The following R3HDM1 variants were observed in gnomAD, a reference collection of about 807,000 sequenced individuals.
The protein encoded by R3HDM1 is R3H domain-containing protein 1.
In R3HDM1, 46 loss-of-function variants were observed where a neutral mutation model predicts 141.1. The ratio of observed to expected loss-of-function variants is 0.33; its 90% confidence interval spans 0.26 to 0.42. The LOEUF is 0.42. R3HDM1 is among the 10% of genes least tolerant of loss of function. The probability of loss-of-function intolerance (pLI) is 1.00; values close to 1 mark genes in which losing one functional copy is unlikely to be tolerated. For missense variants in R3HDM1, 1,184 were observed against 1,368.3 expected (o/e 0.87, Z 2.12); for synonymous variants, 435 against 472.9 (o/e 0.92, Z 1.04).
At chr2:135,662,600 T>C (rs1168976262) in intron 19 of R3HDM1, among the ~76,000 whole-genome samples, 1 of 152,216 alleles carries the variant, frequency 6.6e-6, no homozygotes, top group African/African-American at 2.4e-5. Flanking sequence ...ATACAAACAT[T>C]GGTCATTTTA....
chr2:135,589,492 T>G (rs2105056980), intron 1 of R3HDM1, among the ~76,000 whole-genome samples: 1 of 152,266 alleles, frequency 6.6e-6, no homozygotes, highest in Middle Eastern at 3.4e-3. Flanking sequence ...TTGCCATACT[T>G]GCACAGCTGA....
At chr2:135,535,183 A>G (rs909845094) in intron 1 of R3HDM1, among the ~76,000 whole-genome samples, 2 of 152,182 alleles carry the variant, frequency 1.3e-5, no homozygotes, top group African/African-American at 4.8e-5. Flanking sequence ...AGGGATAATA[A>G]TTTATTTCTT....
At chr2:135,562,559 G>T (rs1448973663) in intron 1 of R3HDM1, among the ~76,000 whole-genome samples, 1 of 152,046 alleles carries the variant, frequency 6.6e-6, no homozygotes, top group Non-Finnish European at 1.5e-5. Flanking sequence ...TACACCATTT[G>T]TTGCAAATTG....
intron 21 of R3HDM1, 57 bp from the exon 22 acceptor site, chr2:135,709,376 C>T (rs1328507750): frequency 1.2e-6 from 2 of 1,604,832 alleles, no homozygotes; most frequent in Non-Finnish European, 1.7e-6. Context: ...CCAGCCCATT[C>T]AAGAATGTTT....
chr2:135,667,142 T>G, intron 19 of R3HDM1: 3 of 954,516 alleles, frequency 3.1e-6, no homozygotes, highest in African/African-American at 1.8e-5. Flanking sequence ...TAAAATAAAA[T>G]CAGCCTGTTA....
At chr2:135,650,504 T>G in intron 17 of R3HDM1, 1 of 981,868 alleles carries the variant, frequency 1.0e-6, no homozygotes, top group East Asian at 1.1e-4. Context: ...CTTTCTTCTA[T>G]CCAAAGTATG....
At chr2:135,625,145 C>A (rs1296326796) in intron 7 of R3HDM1, among the ~76,000 whole-genome samples, 1 of 152,146 alleles carries the variant, frequency 6.6e-6, no homozygotes, top group East Asian at 1.9e-4. Context: ...GGAACAGTTA[C>A]ACTGAAAATA....
chr2:135,532,536 A>C (rs1438374361), intron 1 of R3HDM1, among the ~76,000 whole-genome samples: 1 of 151,722 alleles, frequency 6.6e-6, no homozygotes, highest in Non-Finnish European at 1.5e-5. Context: ...GTGAACAGCA[A>C]ATGGTTTTTC....
At chr2:135,722,611 A>ACAC in intron 26 of R3HDM1, 58 bp downstream of exon 26, 1 of 1,473,508 alleles carries the variant, frequency 6.8e-7, no homozygotes, top group Non-Finnish European at 9.3e-7. Context: ...GTCTAAAAAT[A>ACAC]CACCACAGCA....
intron 6 of R3HDM1, chr2:135,621,974 A>G (rs181019230): frequency 9.2e-6 from 9 of 983,344 alleles, no homozygotes; most frequent in East Asian, 1.1e-4. Context: ...AGTATCCAGT[A>G]AGAATATTCT....
Position 135,551,451 on chromosome 2 carries a change from AT to A in R3HDM1, c.-250+19820del, listed in dbSNP as rs1417467957. 6.6e-5 allele frequency among the ~76,000 whole-genome samples: 10 copies of A among 152,272 alleles called. No homozygotes were observed. The South Asian group carries it at 2.1e-3, about 32-fold the overall frequency. On this transcript the variant is annotated intron_variant, in intron 1 of 26. Coordinates refer to ENST00000683871, the MANE Select transcript of R3HDM1 (RefSeq NM_001378107.1). ...AATGAAAAACTGCCAAGGTTATTCT[AT>A]TGCACTCTGGTATTTTGTTTTTAAA...
intron 3 of R3HDM1, among the ~76,000 whole-genome samples, chr2:135,608,264 C>T (rs957800333): frequency 1.3e-5 from 2 of 151,954 alleles, no homozygotes; most frequent in East Asian, 1.9e-4. Flanking sequence ...TGCAGTGAAC[C>T]GAGATCACGC....
chr2:135,566,970 C>G (rs1182784277), intron 1 of R3HDM1: 1 of 137,340 alleles, frequency 7.3e-6, no homozygotes, highest in African/African-American at 2.7e-5. Context: ...GACTCCGTCT[C>G]AGAAAAAAAA....
chr2:135,643,935 G>A (rs1023448033), intron 15 of R3HDM1, among the ~76,000 whole-genome samples: 2 of 152,114 alleles, frequency 1.3e-5, no homozygotes, highest in African/African-American at 4.8e-5. Flanking sequence ...CACATAAGAG[G>A]GAAACAATAC....
chr2:135,673,624 A>T (rs2068723366), intron 19 of R3HDM1, among the ~76,000 whole-genome samples: 2 of 152,342 alleles, frequency 1.3e-5, no homozygotes, highest in South Asian at 4.1e-4. Context: ...GGTTTAGAAA[A>T]CAGCATATTA....
At chr2:135,536,363 C>T (rs1696111945) in intron 1 of R3HDM1, 1 of 174,732 alleles carries the variant, frequency 5.7e-6, no homozygotes, top group African/African-American at 2.4e-5. Context: ...CCAGGCTGGT[C>T]TCCCACCTCC....
intron 12 of R3HDM1, 37 bp downstream of exon 12, chr2:135,638,692 T>C (rs1410364230): frequency 6.2e-7 from 1 of 1,611,976 alleles, no homozygotes; most frequent in Non-Finnish European, 8.5e-7. Flanking sequence ...GGTAATTGTC[T>C]GACTGATGCT....
intron 15 of R3HDM1, among the ~76,000 whole-genome samples, chr2:135,644,840 G>A (rs989896709): frequency 6.6e-6 from 1 of 152,026 alleles, no homozygotes; most frequent in South Asian, 2.1e-4. Context: ...GGATTACTTT[G>A]GGAGGTCAAG....
chr2:135,681,683 T>C (rs1162277945), intron 21 of R3HDM1, among the ~76,000 whole-genome samples: 1 of 152,164 alleles, frequency 6.6e-6, no homozygotes, highest in African/African-American at 2.4e-5. Context: ...TTTTAGGCCC[T>C]CTGACGCCAA....
Sources: gnomAD v4.1 joint callset for allele counts (sites outside exome capture counted in the v4.1 genomes callset) on GRCh38, gnomAD v4.1.1 for gene constraint, MANE v1.5 for transcripts, NCBI Gene and HGNC (gene_info 2026-07-23, HGNC 2026-07-21) for gene names.